The following ZNF461 variants were observed in gnomAD, a reference collection of about 807,000 sequenced individuals.
ZNF461 encodes gonadotropin-inducible ovarian transcription factor-1.
In ZNF461, 16 loss-of-function variants were observed where a neutral mutation model predicts 18.3. The ratio of observed to expected loss-of-function variants is 0.88; its 90% confidence interval spans 0.59 to 1.33. The LOEUF (loss-of-function observed/expected upper bound fraction) is 1.33. Among genes scored for constraint, ZNF461 ranks in the 40% most tolerant of loss-of-function variants. ZNF461 has a pLI of 0.00. For missense variants in ZNF461, 595 were observed against 669.9 expected (o/e 0.89, Z 1.23); for synonymous variants, 179 against 216.9 (o/e 0.83, Z 1.54).
chr19:36,652,844 A>G (rs923283823), intron 4 of ZNF461, among the ~76,000 whole-genome samples: 1 of 152,184 alleles, frequency 6.6e-6, no homozygotes, highest in Non-Finnish European at 1.5e-5. Flanking sequence ...TTTGCAGGTC[A>G]TAAATCCAAC....
chr19:36,666,429 G>C (rs555239928), intron 1 of ZNF461, among the ~76,000 whole-genome samples: 1 of 151,954 alleles, frequency 6.6e-6, no homozygotes, highest in African/African-American at 2.4e-5. Context: ...AAATAAATGA[G>C]ATTTACACAA....
At chr19:36,652,520 A>G (rs1238748166) in intron 4 of ZNF461, among the ~76,000 whole-genome samples, 3 of 151,386 alleles carry the variant, frequency 2.0e-5, no homozygotes, top group African/African-American at 4.8e-5. Context: ...AAAAACAAAA[A>G]CTATAAAATT....
At chr19:36,658,269 G>T (rs749974004) in intron 3 of ZNF461, 30 bp downstream of exon 3, 1 of 1,585,208 alleles carries the variant, frequency 6.3e-7, no homozygotes, top group Non-Finnish European at 8.6e-7. Flanking sequence ...ATTCTGAATT[G>T]TCAGGTTCTT....
chr19:36,642,823 C>T (rs913298573), intron 5 of ZNF461, among the ~76,000 whole-genome samples: 10 of 151,448 alleles, frequency 6.6e-5, no homozygotes, highest in Admixed American at 5.3e-4. Flanking sequence ...GGTGCGATCT[C>T]GGCTCACTGC....
chr19:36,664,593 CAAA>C (rs560561888), intron 2 of ZNF461, 102 bp downstream of exon 2: 150 of 667,778 alleles, frequency 2.2e-4, no homozygotes, highest in Middle Eastern at 1.0e-3. Context: ...GGCTATGTCT[CAAA>C]AAAAAAAAAA....
intron 5 of ZNF461, among the ~76,000 whole-genome samples, chr19:36,643,072 G>C (rs764783690): frequency 6.6e-6 from 1 of 151,882 alleles, no homozygotes; most frequent in Non-Finnish European, 1.5e-5. Flanking sequence ...CTCGGCCAGC[G>C]GACATGTTTA....
chr19:36,658,270 T>A (rs755783643), intron 3 of ZNF461, 29 bp downstream of exon 3: 1 of 1,586,764 alleles, frequency 6.3e-7, no homozygotes, highest in Non-Finnish European at 8.6e-7. Context: ...TTCTGAATTG[T>A]CAGGTTCTTA....
intron 2 of ZNF461, among the ~76,000 whole-genome samples, chr19:36,659,645 G>A (rs936075382): frequency 2.0e-5 from 3 of 152,002 alleles, no homozygotes; most frequent in African/African-American, 4.8e-5. Flanking sequence ...AAATCTCTAC[G>A]GTATTTTCTA....
At chr19:36,644,403 G>C (rs1455839601) in intron 4 of ZNF461, among the ~76,000 whole-genome samples, 2 of 151,732 alleles carry the variant, frequency 1.3e-5, no homozygotes, top group African/African-American at 4.8e-5. Flanking sequence ...TGAATAGCTG[G>C]GATTACAGGC....
At chr19:36,661,594 T>C (rs1176300508) in intron 2 of ZNF461, among the ~76,000 whole-genome samples, 2 of 150,974 alleles carry the variant, frequency 1.3e-5, no homozygotes, top group Non-Finnish European at 2.9e-5. Flanking sequence ...ATTTATTTTA[T>C]AGAGCCAGCA....
At chr19:36,661,210 C>G (rs753917957) in intron 2 of ZNF461, among the ~76,000 whole-genome samples, 1 of 151,260 alleles carries the variant, frequency 6.6e-6, no homozygotes, top group African/African-American at 2.4e-5. Flanking sequence ...CCTAGGAGTT[C>G]GAGGCTGCAA....
At chr19:36,649,289 C>T (rs1237097121) in intron 4 of ZNF461, among the ~76,000 whole-genome samples, 1 of 151,968 alleles carries the variant, frequency 6.6e-6, no homozygotes, top group African/African-American at 2.4e-5. Flanking sequence ...AAGGCTTTGC[C>T]AATCAATTTT....
chr19:36,639,855 G>A lies in ZNF461; in HGVS notation c.490C>T (p.Gln164Ter). 2 of 1,613,888 alleles carry A rather than the reference G, an allele frequency of 1.2e-6. No individual in the cohort carries two copies. The highest frequency in any genetic ancestry group is 1.7e-6 in the Non-Finnish European group (2 of 1,179,848). The change falls in exon 6 of 6, where the codon CAA (glutamine) becomes TAA (stop). Residue 164 changes from glutamine (Q) to a stop codon, truncating the protein, a stop_gained. Transcript: ENST00000588268. LOFTEE classifies it low-confidence loss of function (END_TRUNC). Reference sequence around the variant, plus strand: ...ATGTTTTCATGGTTAATCATAAGTTGTCTAAAATAACCCTCCTCTTGTCCC... The same window carrying A: ...ATGTTTTCATGGTTAATCATAAGTTATCTAAAATAACCCTCCTCTTGTCCC... Reference protein sequence around the residue: ...HQGQEEGYFRQLMINHENMPI... With the variant: ...HQGQEEGYFR
chr19:36,665,903 TAGTC>T (rs1006810233), intron 1 of ZNF461, among the ~76,000 whole-genome samples: 9 of 151,812 alleles, frequency 5.9e-5, no homozygotes, highest in Non-Finnish European at 1.2e-4. Context: ...ACTCCTCAAG[TAGTC>T]AGGAAAGGAT....
rs2037722975 is a variant in ZNF461 at position 36,656,513 on chromosome 19, G to A, written c.167C>T (p.Ser56Phe). 1.2e-6 allele frequency: 2 copies of A among 1,613,998 alleles called. No individual in the cohort carries two copies. The highest frequency in any genetic ancestry group is 1.7e-5 in the Admixed American group (1 of 60,000). ...GGGCTCCTTCCCTTGCTCCAATGAG[G>A]AGATTACGGCTGGCTTAGAAACAGA... ...GLSVSKPAVI[S>F]SLEQGKEPWM... The change falls in exon 4 of 6, where the codon TCC becomes TTC. Residue 56 changes from serine (S) to phenylalanine (F), a missense_variant. Physicochemically the swap from Ser to Phe is radical, Grantham distance 155 (BLOSUM62 -2). Transcript: ENST00000588268.
At position 36,656,442 on chromosome 19, in the gene ZNF461, A is replaced by G. The variant is rs1298115422; in HGVS notation, c.232+6T>C. ...CTGCAAGAGCTTCCTGTGCTTGCTC[A>G]CTCACCTGGGCACCATCTTCCTGTC... On this transcript the variant is annotated splice_donor_region_variant and intron_variant, in intron 4 of 5. Transcript: ENST00000588268. 1.2e-6 allele frequency: 2 copies of G among 1,612,854 alleles called. No individual in the cohort carries two copies.
chr19:36,642,157 C>T (rs2037436282), intron 5 of ZNF461, among the ~76,000 whole-genome samples: 1 of 152,116 alleles, frequency 6.6e-6, no homozygotes, highest in South Asian at 2.1e-4. Flanking sequence ...GTCTTGAACT[C>T]CTGGTTTCAA....
At chr19:36,658,583 G>T in intron 2 of ZNF461, 158 bp from the exon 3 acceptor site, 1 of 652,298 alleles carries the variant, frequency 1.5e-6, no homozygotes, top group Non-Finnish European at 2.6e-6. Context: ...TAGTGTGACT[G>T]AAGCGGAGTG....
intron 4 of ZNF461, among the ~76,000 whole-genome samples, chr19:36,655,996 C>CTTTTT (rs781044041): frequency 8.4e-5 from 11 of 130,488 alleles, no homozygotes; most frequent in Non-Finnish European, 1.1e-4. Flanking sequence ...TTTAGAATAT[C>CTTTTT]TTTTTTTTTT....
Sources: allele counts gnomAD v4.1 joint callset (sites outside exome capture counted in the v4.1 genomes callset), GRCh38; gene constraint gnomAD v4.1.1; transcripts MANE v1.5; gene names NCBI Gene and HGNC (gene_info 2026-07-23, HGNC 2026-07-21).